The following MORF4L1 variants were observed in gnomAD, a reference collection of about 807,000 sequenced individuals.
The protein encoded by MORF4L1 is mortality factor 4-like protein 1.
MORF4L1 carries 4 observed loss-of-function variants against 52.9 expected under a neutral mutation model. The ratio of observed to expected loss-of-function variants is 0.08; its 90% confidence interval spans 0.04 to 0.17. The LOEUF (loss-of-function observed/expected upper bound fraction) is 0.17. Among genes scored for constraint, MORF4L1 ranks in the 10% least tolerant of loss-of-function variants. The probability of loss-of-function intolerance (pLI) is 1.00; values close to 1 mark genes in which losing one functional copy is unlikely to be tolerated. For synonymous variants in MORF4L1, 123 were observed against 134.8 expected (o/e 0.91, Z 0.61); for missense variants, 214 against 390.4 (o/e 0.55, Z 3.81).
intron 10 of MORF4L1, 125 bp from the exon 11 acceptor site, chr15:78,894,695 A>T: frequency 3.9e-6 from 3 of 761,686 alleles, no homozygotes; most frequent in Non-Finnish European, 6.7e-6. Flanking sequence ...GGCGTGAGCC[A>T]CTATGCCCGG....
Position 78,872,952 on chromosome 15 carries a change from G to C in MORF4L1, c.-66G>C. 6.5e-7 allele frequency: 1 copy of C among 1,537,364 alleles called. No homozygotes were observed. The highest frequency in any genetic ancestry group is 8.8e-7 in the Non-Finnish European group (1 of 1,142,466). On this transcript the variant is annotated 5_prime_UTR_variant, in exon 1 of 12. Coordinates refer to ENST00000426013, the MANE Select transcript of MORF4L1 (RefSeq NM_006791.4). ...GGCGCGTCTGACGCGGAGTTGGGTG[G>C]GGTAGAGAGTAGGGGGCGGTAGTCG...
chr15:78,885,600 G>A (rs2141472131), intron 3 of MORF4L1, among the ~76,000 whole-genome samples: 1 of 152,278 alleles, frequency 6.6e-6, no homozygotes, highest in South Asian at 2.1e-4. Context: ...TTCCTAATAT[G>A]TTTCTGACAT....
chr15:78,891,606 A>T (rs970040215), intron 7 of MORF4L1, 34 bp downstream of exon 7: 1 of 1,509,228 alleles, frequency 6.6e-7, no homozygotes, highest in Non-Finnish European at 9.2e-7. Flanking sequence ...ATAGCATGTT[A>T]GGATTTTTAG....
intron 10 of MORF4L1, 107 bp downstream of exon 10, chr15:78,894,337 T>A (rs1432665022): frequency 1.1e-6 from 1 of 877,304 alleles, no homozygotes; most frequent in East Asian, 2.9e-5. Flanking sequence ...CCATTTTAAT[T>A]TGAACTTTTA....
At chr15:78,873,258 C>T (rs970525491) in intron 1 of MORF4L1, 10 of 1,487,898 alleles carry the variant, frequency 6.7e-6, no homozygotes, top group South Asian at 1.3e-5. Flanking sequence ...AGCGAGAGTG[C>T]TGCGCAGGCG....
chr15:78,892,513 T>C, intron 8 of MORF4L1, 200 bp downstream of exon 8: 1 of 456,132 alleles, frequency 2.2e-6, no homozygotes, highest in Non-Finnish European at 3.9e-6. Flanking sequence ...ATATAAATTT[T>C]ATGAGGTTAT....
chr15:78,884,659 ATACAC>A (rs1394268426), intron 3 of MORF4L1, among the ~76,000 whole-genome samples: 3,963 of 62,238 alleles, frequency 0.064, 155 homozygotes, highest in African/African-American at 0.095. Flanking sequence ...AAAAAAAAAA[ATACAC>A]ACACACACAC....
At chr15:78,894,430 A>G (rs946268168) in intron 10 of MORF4L1, 200 bp downstream of exon 10, 5 of 364,090 alleles carry the variant, frequency 1.4e-5, no homozygotes, top group South Asian at 1.1e-4. Context: ...TTTTTTTTTG[A>G]GACAGACAGT....
intron 1 of MORF4L1, chr15:78,873,888 G>C (rs1415721742): frequency 6.6e-6 from 1 of 152,256 alleles, no homozygotes; most frequent in African/African-American, 2.4e-5. Context: ...AAATAAAAAT[G>C]ATCTGAATGC....
intron 1 of MORF4L1, among the ~76,000 whole-genome samples, chr15:78,874,403 A>G (rs767323194): frequency 6.6e-6 from 1 of 151,942 alleles, no homozygotes; most frequent in Non-Finnish European, 1.5e-5. Context: ...TTTTGAGACG[A>G]TGTTTGTCAC....
At chr15:78,888,812 T>A (rs2056750628) in intron 5 of MORF4L1, among the ~76,000 whole-genome samples, 1 of 152,172 alleles carries the variant, frequency 6.6e-6, no homozygotes, top group South Asian at 2.1e-4. Flanking sequence ...CTCTTTTTGG[T>A]GAGAAGATAA....
At chr15:78,892,806 G>A (rs1371520627) in intron 8 of MORF4L1, 2 of 153,586 alleles carry the variant, frequency 1.3e-5, no homozygotes, top group Non-Finnish European at 2.9e-5. Context: ...GACAAATGAA[G>A]CTATTTGAAC....
In MORF4L1 at chr15:78,873,141, G is replaced by T. The variant is rs2056400400; in HGVS notation, c.40+84G>T. 5 of 1,543,572 alleles carry T rather than the reference G, an allele frequency of 3.2e-6. No homozygotes were observed. The Admixed American group carries it at 6.2e-5, about 19-fold the overall frequency. On this transcript the variant is annotated intron_variant, in intron 1 of 11. Transcript: ENST00000426013. ...GAGGTGATTGAGGCTTGAGGGCCGGGGGCGGCGCGGGCTGCGCCCTGAGAA... is the reference window on the plus strand; with the variant it reads ...GAGGTGATTGAGGCTTGAGGGCCGGTGGCGGCGCGGGCTGCGCCCTGAGAA...
rs574748662 is a variant in MORF4L1, at chr15:78,875,711, G to A, written c.41-2502G>A. On this transcript the variant is annotated intron_variant, in intron 1 of 11. Transcript: ENST00000426013. ...CTGAGACAGGAAATCGCTTGAACCCGGGAGTCGGAGGTTGCAGTAGGCCGA... is the reference window on the plus strand; with the variant it reads ...CTGAGACAGGAAATCGCTTGAACCCAGGAGTCGGAGGTTGCAGTAGGCCGA... Among the ~76,000 whole-genome samples the A allele has an allele frequency of 3.1e-3, 464 of 151,790 alleles. 1 individual carries two copies. The highest frequency in any genetic ancestry group is 0.011 in the African/African-American group (447 of 41,406).
At chr15:78,873,568 G>C (rs534400241) in intron 1 of MORF4L1, among the ~76,000 whole-genome samples, 4 of 152,148 alleles carry the variant, frequency 2.6e-5, no homozygotes, top group Non-Finnish European at 5.9e-5. Context: ...TTGGCGCCAC[G>C]GGGCGGGAGA....
chr15:78,894,064 T>C lies in MORF4L1; in HGVS notation c.636T>C (p.Tyr212=). 2 of 1,612,752 alleles carry C rather than the reference T, an allele frequency of 1.2e-6. No homozygotes were observed. The highest frequency in any genetic ancestry group is 1.7e-6 in the Non-Finnish European group (2 of 1,179,216). The change falls in exon 10 of 12, where the codon TAT becomes TAC. Residue 212 remains tyrosine, a synonymous_variant. Coordinates refer to ENST00000426013, the MANE Select transcript of MORF4L1 (RefSeq NM_006791.4). ...KSRGNTDNKE[Y]AVNEVVAGIK... The stretch of plus-strand genomic sequence containing the variant: ...ATTTTTGTTCATTTATCAGGGAGTA[T>C]GCGGTTAATGAAGTTGTGGCAGGGA...
rs140693943 is a variant in MORF4L1 at position 78,894,824 on chromosome 15, A to C, written c.807A>C (p.Arg269=). Residue 269 remains arginine (R), a synonymous_variant, in exon 11 of 12, where the codon CGA becomes CGC. Coordinates refer to ENST00000426013, the MANE Select transcript of MORF4L1 (RefSeq NM_006791.4). ...TAAATTCTCTTGTTTAAACAGTACG[A>C]ATTGGAGCAATGTTGGCTTATACAC... ...GAPHLLRLFV[R]IGAMLAYTPL... is the part of the protein sequence containing the mutation. 638 of 1,612,274 alleles carry C rather than the reference A, an allele frequency of 4.0e-4. No individual in the cohort carries two copies. Among genetic ancestry groups the C allele is most frequent in the Non-Finnish European group, 5.3e-4 (619 of 1,178,322 alleles).
At chr15:78,896,308 CTTTTTTTT>C (rs71148578) in intron 11 of MORF4L1, among the ~76,000 whole-genome samples, 10 of 81,446 alleles carry the variant, frequency 1.2e-4, no homozygotes, top group East Asian at 1.1e-3. Context: ...CTTTTCTTTT[CTTTTTTTT>C]TTTTTTTTTT....
At position 78,884,978 on chromosome 15, in the gene MORF4L1, G is replaced by C. The variant is rs758226002; in HGVS notation, c.156-1163G>C. 48 of 1,613,598 alleles carry C rather than the reference G, an allele frequency of 3.0e-5. 1 individual carries two copies. The highest frequency in any genetic ancestry group is 4.0e-5 in the Non-Finnish European group (47 of 1,179,846). ...GCTGTCTGTATCAGAAGTGCTGTGA[G>C]GCCCAGGCGCTCTGAAAAATCTTTG... On this transcript the variant is annotated intron_variant, in intron 3 of 11. Transcript: ENST00000426013.
Sources: allele counts gnomAD v4.1 joint callset (sites outside exome capture counted in the v4.1 genomes callset), GRCh38; gene constraint gnomAD v4.1.1; transcripts MANE v1.5; gene names NCBI Gene and HGNC (gene_info 2026-07-23, HGNC 2026-07-21).